GDI2: variants seen among roughly 807,000 people sequenced by gnomAD.
The protein encoded by GDI2 is GDP dissociation inhibitor 2.
A neutral mutation model predicts 54.2 loss-of-function variants in GDI2; 22 were observed. The ratio of observed to expected loss-of-function variants is 0.41; its 90% CI spans 0.29 to 0.58. GDI2 has a LOEUF of 0.58. GDI2 is among the 20% of genes least tolerant of loss of function. The pLI, the probability that GDI2 is intolerant of heterozygous loss-of-function variation, is 0.35. For synonymous variants in GDI2, 177 were observed against 182.1 expected, an observed-to-expected ratio of 0.97 and a Z score of 0.23; for missense variants, 422 against 546.0, an observed-to-expected ratio of 0.77 and a Z score of 2.26.
At position 5,776,185 on chromosome 10, in the gene GDI2, C is replaced by A. The variant is rs1177209348; in HGVS notation, c.720-2244G>T. The A allele has an allele frequency of 2.1e-5, 7 of 340,206 alleles. No homozygotes were observed. The Admixed American group carries it at 2.8e-4, about 14-fold the overall frequency. The allele number at this position is 340,206 out of a possible 1,614,324, so 21.1% of individuals were successfully genotyped here. A position where few individuals can be genotyped will look rare whatever the true frequency, so the allele number is the denominator to read the frequency against. On this transcript the variant is annotated intron_variant, in intron 6 of 10. Coordinates refer to ENST00000380191, the MANE Select transcript of GDI2 (RefSeq NM_001494.4). The surrounding 1 kb of genome is among the most constrained non-coding windows in gnomAD (Gnocchi z 5.3). ...GGCATATCCTTCAGAAGCCGTGAAG[C>A]TGACAGTCTGAGCAGGCTCATTTTT... is the stretch of plus-strand genomic sequence containing the variant.
chr10:5,797,283 T>C (rs1016465257), intron 2 of GDI2, among the ~76,000 whole-genome samples: 9 of 151,956 alleles, frequency 5.9e-5, no homozygotes, highest in Non-Finnish European at 1.0e-4. Flanking sequence ...TGGTGGCTCA[T>C]GCCTGTAATC....
chr10:5,770,377 A>G (rs543885474), intron 7 of GDI2, among the ~76,000 whole-genome samples: 3 of 150,398 alleles, frequency 2.0e-5, no homozygotes, highest in African/African-American at 7.3e-5. Context: ...CCTGGCCAAC[A>G]TGGGGAAACC....
At chr10:5,793,892 G>A (rs991317044) in intron 4 of GDI2, among the ~76,000 whole-genome samples, 8 of 152,024 alleles carry the variant, frequency 5.3e-5, no homozygotes, top group African/African-American at 1.4e-4. Flanking sequence ...GGCTGGGCGC[G>A]GTGGCTCATG....
At chr10:5,794,172 G>GAAAAA (rs1256206663) in intron 4 of GDI2, among the ~76,000 whole-genome samples, 6 of 27,950 alleles carry the variant, frequency 2.1e-4, no homozygotes, top group African/African-American at 2.6e-4. Flanking sequence ...GTCTTTAAAA[G>GAAAAA]AAAAAAAAAA....
intron 2 of GDI2, among the ~76,000 whole-genome samples, chr10:5,800,010 A>G (rs1309583545): frequency 3.3e-5 from 5 of 152,348 alleles, no homozygotes; most frequent in East Asian, 1.9e-4. Flanking sequence ...GTATTGTCTA[A>G]TAAGTCACTG....
chr10:5,776,272 C>A lies in GDI2; in HGVS notation c.720-2331G>T. Reference sequence around the variant, plus strand: ...TCATCCAAGACAGGTGGAAAAGGGCCCAGCGTGAAAAGACTGAAAGCCCAG... The same window carrying A: ...TCATCCAAGACAGGTGGAAAAGGGCACAGCGTGAAAAGACTGAAAGCCCAG... On this transcript the variant is annotated intron_variant, in intron 6 of 10. Coordinates refer to ENST00000380191, the MANE Select transcript of GDI2 (RefSeq NM_001494.4). This position sits in a 1 kb window ranked among gnomAD's most constrained non-coding sequence, Gnocchi z 5.3. The A allele has an allele frequency of 1.9e-6, 1 of 515,232 alleles. No individual in the cohort carries two copies. Among genetic ancestry groups the A allele is most frequent in the South Asian group, 2.2e-5 (1 of 46,212 alleles). 31.9% of individuals were successfully genotyped at this position (515,232 alleles called of 1,614,324 possible). A position where few individuals can be genotyped will look rare whatever the true frequency, so the allele number is the denominator to read the frequency against.
intron 4 of GDI2, among the ~76,000 whole-genome samples, chr10:5,793,072 G>A (rs186117060): frequency 1.4e-4 from 22 of 151,898 alleles, no homozygotes; most frequent in African/African-American, 4.3e-4. Context: ...ACAGCTCACT[G>A]CAGCTTTGAT....
At chr10:5,790,025 T>C (rs1337278982) in intron 4 of GDI2, among the ~76,000 whole-genome samples, 1 of 152,238 alleles carries the variant, frequency 6.6e-6, no homozygotes, top group Non-Finnish European at 1.5e-5. Flanking sequence ...ATATTTTTCA[T>C]CGTGTTTAGT....
At chr10:5,790,922 G>A (rs1227451108) in intron 4 of GDI2, among the ~76,000 whole-genome samples, 1 of 152,036 alleles carries the variant, frequency 6.6e-6, no homozygotes, top group African/African-American at 2.4e-5. Flanking sequence ...TTGGGACACT[G>A]AGGAGAGATG....
Position 5,794,983 on chromosome 10 carries a change from G to A in GDI2, c.290C>T (p.Thr97Ile). 6.3e-7 allele frequency: 1 copy of A among 1,593,066 alleles called. No homozygotes were observed. Among genetic ancestry groups the A allele is most frequent in the East Asian group, 2.2e-5 (1 of 44,758 alleles). Residue 97 changes from threonine to isoleucine, a missense_variant, in exon 4 of 11, where the codon ACT becomes ATT. Transcript: ENST00000380191. Reference protein sequence around the residue: ...LVKMLLYTEVTRYLDFKVTEG... With the variant: ...LVKMLLYTEVIRYLDFKVTEG... The stretch of plus-strand genomic sequence containing the variant: ...AGTCACTTTAAAATCCAGATAGCGA[G>A]TTACCTCTGTATAAAGCAGCATCTT...
Position 5,765,685 on chromosome 10 carries a change from C to A in GDI2, c.*321G>T. ...GGATCCAGCTCTTGAGCAGCAGCAG[C>A]ACATAGCTACACTGATTAAAAGATT... is the stretch of plus-strand genomic sequence containing the variant. On this transcript the variant is annotated 3_prime_UTR_variant, in exon 11 of 11. Coordinates refer to ENST00000380191, the MANE Select transcript of GDI2 (RefSeq NM_001494.4). The A allele has an allele frequency of 4.8e-6, 1 of 207,400 alleles. No homozygotes were observed. The highest frequency in any genetic ancestry group is 2.3e-5 in the African/African-American group (1 of 42,772). 12.8% of individuals were successfully genotyped at this position (207,400 alleles called of 1,614,324 possible).
chr10:5,799,225 T>G (rs1841212376), intron 2 of GDI2, among the ~76,000 whole-genome samples: 1 of 152,014 alleles, frequency 6.6e-6, no homozygotes, highest in Admixed American at 6.6e-5. Flanking sequence ...TTAGCCCCGC[T>G]ACTTAGGAGG....
intron 2 of GDI2, among the ~76,000 whole-genome samples, chr10:5,799,705 C>T (rs1218109463): frequency 2.0e-5 from 3 of 152,108 alleles, no homozygotes; most frequent in Non-Finnish European, 4.4e-5. Flanking sequence ...CAAACAGCTA[C>T]GTAAGAGATT....
chr10:5,799,271 A>G (rs949215879), intron 2 of GDI2, among the ~76,000 whole-genome samples: 55 of 148,454 alleles, frequency 3.7e-4, no homozygotes, highest in African/African-American at 1.4e-3. Context: ...CAGGAGTTCA[A>G]GGCTACAGCA....
At chr10:5,803,140 C>A (rs757845276) in intron 1 of GDI2, among the ~76,000 whole-genome samples, 1 of 152,140 alleles carries the variant, frequency 6.6e-6, no homozygotes, top group Non-Finnish European at 1.5e-5. Flanking sequence ...TTGCAGAAAA[C>A]GTGAAATATT....
At chr10:5,798,877 A>AG (rs34330464) in intron 2 of GDI2, among the ~76,000 whole-genome samples, 149,738 of 152,208 alleles carry the variant, frequency 0.98, 73,706 homozygotes, top group East Asian at 1. Context: ...CAGAAGGCTG[A>AG]GCATGAAAAT....
Position 5,768,160 on chromosome 10 carries a change from G to C in GDI2, c.991+53C>G. On this transcript the variant is annotated intron_variant, in intron 8 of 10. Transcript: ENST00000380191. This position sits in a 1 kb window ranked among gnomAD's most constrained non-coding sequence, Gnocchi z 4.4. The stretch of plus-strand genomic sequence containing the variant: ...TTAGGAATTTGGGATAAAACACAAA[G>C]CAAATTATATCTTACAAAATTCTAC... The C allele has an allele frequency of 6.8e-7, 1 of 1,474,140 alleles. No individual in the cohort carries two copies. The highest frequency in any genetic ancestry group is 9.4e-7 in the Non-Finnish European group (1 of 1,060,106). The allele number at this position is 1,474,140 out of a possible 1,614,324, so 91.3% of individuals were successfully genotyped here. A position where few individuals can be genotyped will look rare whatever the true frequency, so the allele number is the denominator to read the frequency against.
At chr10:5,772,460 A>G (rs529135333) in intron 7 of GDI2, among the ~76,000 whole-genome samples, 16 of 152,198 alleles carry the variant, frequency 1.1e-4, no homozygotes, top group African/African-American at 1.4e-4. Flanking sequence ...GACCCAATTA[A>G]GTAACAGTCT....
chr10:5,799,962 CA>C (rs576397975), intron 2 of GDI2, among the ~76,000 whole-genome samples: 4 of 152,182 alleles, frequency 2.6e-5, no homozygotes, highest in African/African-American at 9.6e-5. Context: ...TTAAACTTTT[CA>C]GTATTACTGA....
Sources: gnomAD v4.1 joint callset for allele counts (sites outside exome capture counted in the v4.1 genomes callset) on GRCh38, gnomAD v4.1.1 for gene constraint, Gnocchi (gnomAD v3.1) non-coding constraint, MANE v1.5 for transcripts, NCBI Gene and HGNC (gene_info 2026-07-23, HGNC 2026-07-21) for gene names.